Variants in SECISBP2 observed in about 807,000 individuals in gnomAD.
SECISBP2 encodes SECIS binding protein 2.
Under a neutral mutation model 98.2 loss-of-function variants are expected in SECISBP2, and 96 were observed. That is an observed-to-expected ratio of 0.98 (90% CI 0.83 to 1.16). SECISBP2 has a LOEUF of 1.16. Ranked by LOEUF, SECISBP2 falls within the 50% of genes most tolerant of loss-of-function variation. The probability of loss-of-function intolerance (pLI) is 0.00; values close to 1 mark genes in which losing one functional copy is unlikely to be tolerated. For missense variants in SECISBP2, 1,046 were observed against 1,022.9 expected, an observed-to-expected ratio of 1.02 and a Z score of -0.31; for synonymous variants, 407 against 370.2, an observed-to-expected ratio of 1.10 and a Z score of -1.14.
intron 10 of SECISBP2, among the ~76,000 whole-genome samples, chr9:89,341,758 AG>A (rs1829689722): frequency 6.6e-6 from 1 of 152,232 alleles, no homozygotes; most frequent in African/African-American, 2.4e-5. Flanking sequence ...CACATGCTAA[AG>A]AATAGTCATA....
chr9:89,357,377 G>A, intron 14 of SECISBP2, 34 bp from the exon 15 acceptor site: 1 of 1,613,416 alleles, frequency 6.2e-7, no homozygotes, highest in African/African-American at 1.3e-5. Context: ...CATGTGACAT[G>A]TCTTCCTGTC....
intron 10 of SECISBP2, among the ~76,000 whole-genome samples, chr9:89,345,702 G>C (rs1269944871): frequency 6.6e-6 from 1 of 151,934 alleles, no homozygotes; most frequent in African/African-American, 2.4e-5. Context: ...TAGAGGGCTT[G>C]TGGCAGGTTT....
intron 12 of SECISBP2, 95 bp downstream of exon 12, chr9:89,348,309 A>C: frequency 1.4e-6 from 2 of 1,415,850 alleles, no homozygotes; most frequent in Non-Finnish European, 2.0e-6. Flanking sequence ...GACTTGGCTG[A>C]CTCCTCTTCC....
chr9:89,342,042 A>G (rs1332898865), intron 10 of SECISBP2, among the ~76,000 whole-genome samples: 1 of 152,236 alleles, frequency 6.6e-6, no homozygotes, highest in Non-Finnish European at 1.5e-5. Flanking sequence ...TTTGCAAATC[A>G]TGTATCTGAT....
chr9:89,361,806 C>T (rs1832785305), downstream of SECISBP2: 1 of 154,774 alleles, frequency 6.5e-6, no homozygotes, highest in African/African-American at 2.4e-5. Flanking sequence ...CAGATCGCAT[C>T]TCACAGTCAT....
chr9:89,338,428 A>G (rs1196229257), intron 7 of SECISBP2, 30 bp from the exon 8 acceptor site: 10 of 1,612,086 alleles, frequency 6.2e-6, no homozygotes, highest in Non-Finnish European at 8.5e-6. Context: ...CCCTAAAAAC[A>G]GGATTTTTTG....
At chr9:89,329,069 G>C (rs572279015) in intron 5 of SECISBP2, 183 bp downstream of exon 5, 1 of 608,418 alleles carries the variant, frequency 1.6e-6, no homozygotes, top group Non-Finnish European at 2.9e-6. Flanking sequence ...TTATAATGAG[G>C]CTGTAACATC....
chr9:89,319,779 AG>A lies in SECISBP2; in HGVS notation c.166del (p.Glu56AsnfsTer4). The A allele has an allele frequency of 6.2e-7, 1 of 1,614,144 alleles. No homozygotes were observed. The highest frequency in any genetic ancestry group is 8.5e-7 in the Non-Finnish European group (1 of 1,179,984). On this transcript the variant is annotated frameshift_variant, in exon 2 of 17. Coordinates refer to ENST00000375807, the MANE Select transcript of SECISBP2 (RefSeq NM_024077.5). LOFTEE classifies it high-confidence loss of function. ...SSAATYYPFV[Q>X]EPPVTEQKIY... is the part of the protein sequence containing the mutation. ...GCAGCCACATACTATCCGTTTGTTC[AG>A]GAACCACCAGTGACAGAGTATGTAT... is the stretch of plus-strand genomic sequence containing the variant.
chr9:89,338,366 G>T, intron 7 of SECISBP2, 92 bp from the exon 8 acceptor site: 1 of 1,415,102 alleles, frequency 7.1e-7, no homozygotes, highest in Non-Finnish European at 9.8e-7. Flanking sequence ...GTGATTATAG[G>T]ACTTGATATC....
downstream of SECISBP2, chr9:89,363,396 G>A (rs1564476366): frequency 6.2e-7 from 1 of 1,605,266 alleles, no homozygotes; most frequent in Non-Finnish European, 8.5e-7. Flanking sequence ...CCTGGCTCCA[G>A]CCCTCCTTTC....
intron 2 of SECISBP2, 83 bp downstream of exon 2, chr9:89,319,880 C>T (rs1564301310): frequency 1.4e-6 from 2 of 1,403,166 alleles, no homozygotes; most frequent in Non-Finnish European, 2.0e-6. Context: ...TCAGCAGTTA[C>T]TGCACTAAAG....
chr9:89,346,358 TG>T (rs1441889327), intron 10 of SECISBP2, among the ~76,000 whole-genome samples: 1 of 152,222 alleles, frequency 6.6e-6, no homozygotes, highest in Non-Finnish European at 1.5e-5. Context: ...AAAACACGTC[TG>T]GAAAACTCAA....
At chr9:89,348,033 T>C in intron 11 of SECISBP2, 46 bp from the exon 12 acceptor site, 2 of 1,548,264 alleles carry the variant, frequency 1.3e-6, no homozygotes, top group Non-Finnish European at 1.8e-6. Context: ...GCTTATCTTT[T>C]AAGTACAAGT....
At position 89,357,547 on chromosome 9, in the gene SECISBP2, C is replaced by T; in HGVS notation, c.2250C>T (p.Phe750=). Residue 750 remains phenylalanine, a synonymous_variant, in exon 15 of 17, where the codon TTC becomes TTT. Coordinates refer to ENST00000375807, the MANE Select transcript of SECISBP2 (RefSeq NM_024077.5). ...TTCCTGTCAGTGTGGTGGGGATCTT[C>T]AGCTATGATGGGGCCCAGGTGAGTG... ...KAVPVSVVGI[F]SYDGAQDQFH... is the part of the protein sequence containing the mutation. The T allele has an allele frequency of 1.9e-6, 3 of 1,613,880 alleles. No individual in the cohort carries two copies.
chr9:89,363,877 A>G (rs574255152), downstream of SECISBP2: 7 of 1,614,120 alleles, frequency 4.3e-6, no homozygotes, highest in African/African-American at 4.0e-5. Context: ...CGGGCAGTGC[A>G]TGGGTCTGCA....
chr9:89,362,354 AGGGTCTTGTTG>A (rs1435905227), downstream of SECISBP2: 4 of 1,613,862 alleles, frequency 2.5e-6, no homozygotes, highest in African/African-American at 5.3e-5. Flanking sequence ...CAGTGGCAGC[AGGGTCTTGTTG>A]GGGTTGAGGT....
intron 2 of SECISBP2, chr9:89,322,182 C>G (rs1391387338): frequency 6.6e-6 from 1 of 152,208 alleles, no homozygotes; most frequent in Non-Finnish European, 1.5e-5. Context: ...AATGAACATA[C>G]CAGACTCTTC....
At chr9:89,337,546 T>C (rs577960158) in intron 7 of SECISBP2, among the ~76,000 whole-genome samples, 1 of 152,288 alleles carries the variant, frequency 6.6e-6, no homozygotes, top group East Asian at 1.9e-4. Context: ...TGTTTTGTTT[T>C]GTTTTTTGTT....
chr9:89,361,463 G>A (rs1288030554), downstream of SECISBP2: 2 of 152,204 alleles, frequency 1.3e-5, no homozygotes, highest in African/African-American at 4.8e-5. Flanking sequence ...CAACAGACAA[G>A]AAGAGACGTG....
Sources: allele counts gnomAD v4.1 joint callset (sites outside exome capture counted in the v4.1 genomes callset), GRCh38; gene constraint gnomAD v4.1.1; transcripts MANE v1.5; gene names NCBI Gene and HGNC (gene_info 2026-07-23, HGNC 2026-07-21).